The following DSCAML1 variants were observed in gnomAD, a reference collection of about 807,000 sequenced individuals.
The protein encoded by DSCAML1 is DS cell adhesion molecule like 1.
A neutral mutation model predicts 200.5 loss-of-function variants in DSCAML1; 38 were observed. That is an observed-to-expected ratio of 0.19 (90% CI 0.15 to 0.25). DSCAML1 has a LOEUF of 0.25. Among genes scored for constraint, DSCAML1 ranks in the 10% least tolerant of loss-of-function variants. The pLI is 1.00. For missense variants in DSCAML1, 2,223 were observed against 2,858.8 expected, an observed-to-expected ratio of 0.78 and a Z score of 5.07; for synonymous variants, 1,215 against 1,165.0, an observed-to-expected ratio of 1.04 and a Z score of -0.87.
Position 117,504,926 on chromosome 11 carries a change from T to C in DSCAML1, c.2180A>G (p.Lys727Arg). 6.2e-7 allele frequency: 1 copy of C among 1,608,406 alleles called. No homozygotes were observed. Among genetic ancestry groups the C allele is most frequent in the Non-Finnish European group, 8.5e-7 (1 of 1,176,484 alleles). Residue 727 changes from lysine (K) to arginine (R), a missense_variant and splice_region_variant, in exon 10 of 33, where the codon AAG becomes AGG. Coordinates refer to ENST00000651296, the MANE Select transcript of DSCAML1 (RefSeq NM_020693.4). This position sits in a 1 kb window ranked among gnomAD's most constrained non-coding sequence, Gnocchi z 5.0. ...PPPKVMWKHA[K>R]GSGNPQQYHP... Reference sequence around the variant, plus strand: ...TTCTGGCTGGGCCAGGGGCTTACCCTTGGCATGCTTCCACATGACCTTGGG... The same window carrying C: ...TTCTGGCTGGGCCAGGGGCTTACCCCTGGCATGCTTCCACATGACCTTGGG...
intron 3 of DSCAML1, among the ~76,000 whole-genome samples, chr11:117,734,128 A>C (rs769054887): frequency 3.3e-5 from 5 of 152,090 alleles, no homozygotes; most frequent in Admixed American, 1.3e-4. Flanking sequence ...GTAAGCATGC[A>C]TCTTGTCTTT....
chr11:117,537,987 G>A (rs1380802595), intron 3 of DSCAML1, among the ~76,000 whole-genome samples: 1 of 152,202 alleles, frequency 6.6e-6, no homozygotes, highest in East Asian at 1.9e-4. Flanking sequence ...CCTTTAGAGA[G>A]GGCCAGTCTT....
At position 117,642,670 on chromosome 11, in the gene DSCAML1, T is replaced by C. The variant is rs2052436513; in HGVS notation, c.512-110148A>G. 6.6e-6 allele frequency among the ~76,000 whole-genome samples: 1 copy of C among 152,296 alleles called. No individual in the cohort carries two copies. The highest frequency in any genetic ancestry group is 1.9e-4 in the East Asian group (1 of 5,180). On this transcript the variant is annotated intron_variant, in intron 3 of 32. Coordinates refer to ENST00000651296, the MANE Select transcript of DSCAML1 (RefSeq NM_020693.4). This position sits in a 1 kb window ranked among gnomAD's most constrained non-coding sequence, Gnocchi z 4.1. The stretch of plus-strand genomic sequence containing the variant: ...TTGCAGTGGCCCAGAGTGGGATCTG[T>C]GGCTCCTGGCTGCTTCTTGGGCCAG...
At chr11:117,778,600 T>G (rs921022877) in intron 2 of DSCAML1, among the ~76,000 whole-genome samples, 1 of 152,398 alleles carries the variant, frequency 6.6e-6, no homozygotes, top group East Asian at 1.9e-4. Flanking sequence ...TCATGATAGC[T>G]GCACCTCTGC....
At chr11:117,645,987 T>C (rs1486607027) in intron 3 of DSCAML1, among the ~76,000 whole-genome samples, 1 of 152,178 alleles carries the variant, frequency 6.6e-6, no homozygotes, top group Non-Finnish European at 1.5e-5. Flanking sequence ...CCTAATAACT[T>C]GAGTGATTTC....
At chr11:117,452,542 C>T (rs924874645) in intron 19 of DSCAML1, among the ~76,000 whole-genome samples, 1 of 152,108 alleles carries the variant, frequency 6.6e-6, no homozygotes, top group African/African-American at 2.4e-5. Context: ...TTGTTTTTCA[C>T]CTACCATTCT....
At chr11:117,723,640 G>A (rs941105865) in intron 3 of DSCAML1, among the ~76,000 whole-genome samples, 5 of 152,164 alleles carry the variant, frequency 3.3e-5, no homozygotes, top group Non-Finnish European at 7.3e-5. Context: ...AAGCCTGCCC[G>A]GGGTTGGCGT....
At chr11:117,718,334 C>T (rs970806072) in intron 3 of DSCAML1, among the ~76,000 whole-genome samples, 30 of 152,198 alleles carry the variant, frequency 2.0e-4, no homozygotes, top group Admixed American at 2.6e-4. Flanking sequence ...CCAGGCAGCT[C>T]CCAGGACCCT....
At chr11:117,428,913 G>A in intron 32 of DSCAML1, 110 bp from the exon 33 acceptor site, 2 of 1,090,756 alleles carry the variant, frequency 1.8e-6, no homozygotes, top group South Asian at 1.5e-5. Context: ...ATTTGGCATA[G>A]GGGCCCCTCC....
chr11:117,551,571 A>G (rs1006773577), intron 3 of DSCAML1, among the ~76,000 whole-genome samples: 7 of 152,160 alleles, frequency 4.6e-5, no homozygotes, highest in African/African-American at 1.7e-4. Flanking sequence ...GGAAGGGAAG[A>G]ACTGGATTGG....
At position 117,734,883 on chromosome 11, in the gene DSCAML1, G is replaced by T. The variant is rs140129889; in HGVS notation, c.511+41908C>A. 1.2e-3 allele frequency among the ~76,000 whole-genome samples: 180 copies of T among 152,330 alleles called. 5 individuals carry two copies. The East Asian group carries it at 0.025, about 21-fold the overall frequency. ...CGGACATGCATCACAGCAAAAGAGT[G>T]GGCCCAGGGAAAGCCAGGGGCGGAG... On this transcript the variant is annotated intron_variant, in intron 3 of 32. Transcript: ENST00000651296.
At chr11:117,561,457 G>A (rs2050660944) in intron 3 of DSCAML1, among the ~76,000 whole-genome samples, 1 of 152,190 alleles carries the variant, frequency 6.6e-6, no homozygotes. Flanking sequence ...TGCGGCTATG[G>A]GGATGAAATC....
intron 3 of DSCAML1, among the ~76,000 whole-genome samples, chr11:117,562,110 G>C (rs574717423): frequency 2.0e-5 from 3 of 152,192 alleles, no homozygotes; most frequent in Non-Finnish European, 4.4e-5. Context: ...ATGCCCCTTG[G>C]TTCAGAGGGG....
chr11:117,759,730 G>C (rs1403991452), intron 3 of DSCAML1, among the ~76,000 whole-genome samples: 1 of 82,480 alleles, frequency 1.2e-5, no homozygotes, highest in Non-Finnish European at 3.1e-5. Context: ...CAGCTACAGG[G>C]AGCAGTGAAA....
chr11:117,558,108 G>A (rs1296612850), intron 3 of DSCAML1, among the ~76,000 whole-genome samples: 1 of 152,122 alleles, frequency 6.6e-6, no homozygotes, highest in African/African-American at 2.4e-5. Flanking sequence ...AGACGGGGAT[G>A]GGCGATGAGG....
At chr11:117,521,028 G>A (rs1349054390) in intron 6 of DSCAML1, 102 bp downstream of exon 6, 7 of 1,492,370 alleles carry the variant, frequency 4.7e-6, no homozygotes, top group East Asian at 2.3e-5. Context: ...TGTAGTGAGC[G>A]CTGGTTTAAT....
At chr11:117,795,940 A>G (rs2055565248) in intron 1 of DSCAML1, among the ~76,000 whole-genome samples, 1 of 152,130 alleles carries the variant, frequency 6.6e-6, no homozygotes, top group African/African-American at 2.4e-5. Context: ...CGAGAAGGAG[A>G]AAAGTTAGAG....
At position 117,428,793 on chromosome 11, in the gene DSCAML1, G is replaced by A. The variant is rs978969633; in HGVS notation, c.5697C>T (p.Cys1899=). 1.2e-6 allele frequency: 2 copies of A among 1,601,658 alleles called. No homozygotes were observed. Among genetic ancestry groups the A allele is most frequent in the African/African-American group, 2.7e-5 (2 of 74,814 alleles). Residue 1899 remains cysteine (C), a synonymous_variant, in exon 33 of 33, where the codon TGC becomes TGT. Coordinates refer to ENST00000651296, the MANE Select transcript of DSCAML1 (RefSeq NM_020693.4). ...IPHRANKSDY[C]NLPLYAKSEA... ...CTGACTTGGCATACAGGGGCAGGTT[G>A]CAGTAGTCACCTGGAATCACAGAGG...
chr11:117,505,698 G>C lies in DSCAML1; in HGVS notation c.1818C>G (p.Pro606=). 2 of 1,612,694 alleles carry C rather than the reference G, an allele frequency of 1.2e-6. No homozygotes were observed. Among genetic ancestry groups the C allele is most frequent in the South Asian group, 2.2e-5 (2 of 91,040 alleles). The change falls in exon 9 of 33, where the codon CCC becomes CCG. Residue 606 remains proline, a synonymous_variant. Transcript: ENST00000651296. The surrounding 1 kb of genome is among the most constrained non-coding windows in gnomAD (Gnocchi z 6.7). Reference sequence around the variant, plus strand: ...TGTAGAGCAGCTGGCCGATGGAGGCGGGTGGGAATTCGAAGGGCTGGATCA... The same window carrying C: ...TGTAGAGCAGCTGGCCGATGGAGGCCGGTGGGAATTCGAAGGGCTGGATCA... The part of the protein sequence containing the change: ...PPLIQPFEFP[P]ASIGQLLYIP...
Sources: gnomAD v4.1 joint callset for allele counts (sites outside exome capture counted in the v4.1 genomes callset) on GRCh38, gnomAD v4.1.1 for gene constraint, Gnocchi (gnomAD v3.1) non-coding constraint, MANE v1.5 for transcripts, NCBI Gene and HGNC (gene_info 2026-07-23, HGNC 2026-07-21) for gene names.